The following CDH18 variants were observed in gnomAD, a reference collection of about 807,000 sequenced individuals.
CDH18 encodes cadherin 18.
CDH18 carries 31 observed loss-of-function variants against 67.9 expected under a neutral mutation model. The observed-to-expected ratio is 0.46, with a 90% CI of 0.34 to 0.62. The LOEUF is 0.62. Ranked by LOEUF, CDH18 falls within the 20% of genes least tolerant of loss-of-function variation. The pLI, the probability that CDH18 is intolerant of heterozygous loss-of-function variation, is 0.01. For missense variants in CDH18, 890 were observed against 975.5 expected, an observed-to-expected ratio of 0.91 and a Z score of 1.17; for synonymous variants, 362 against 347.2, an observed-to-expected ratio of 1.04 and a Z score of -0.48.
At chr5:20,285,050 G>A (rs184654157) in intron 1 of CDH18, among the ~76,000 whole-genome samples, 41 of 151,730 alleles carry the variant, frequency 2.7e-4, no homozygotes, top group African/African-American at 6.5e-4. Flanking sequence ...TGCCTAAACC[G>A]TTATATCATA....
intron 5 of CDH18, among the ~76,000 whole-genome samples, chr5:19,697,341 A>G (rs1416553271): frequency 6.6e-6 from 1 of 152,212 alleles, no homozygotes; most frequent in Non-Finnish European, 1.5e-5. Context: ...TATTTAATAT[A>G]GCTCATATAA....
At chr5:19,989,995 C>T (rs184008131), upstream of CDH18, among the ~76,000 whole-genome samples, 12 of 152,212 alleles carry the variant, frequency 7.9e-5, no homozygotes, top group Admixed American at 1.3e-4. Flanking sequence ...TATTATATTG[C>T]GCATTATATA....
At chr5:20,279,699 C>CAGAAAAA (rs1746080009) in intron 1 of CDH18, among the ~76,000 whole-genome samples, 1 of 13,594 alleles carries the variant, frequency 7.4e-5, no homozygotes, top group Non-Finnish European at 1.3e-4. Flanking sequence ...AGCTCTGTCT[C>CAGAAAAA]AAAAAAAAAA....
chr5:20,471,833 T>TTAAAAA (rs757184101), intron 1 of CDH18, among the ~76,000 whole-genome samples: 6 of 51,490 alleles, frequency 1.2e-4, no homozygotes, highest in African/African-American at 3.2e-4. Flanking sequence ...AGATTCAGTC[T>TTAAAAA]AAAAAAAAAA....
chr5:20,569,416 T>C (rs1405705025), intron 1 of CDH18, among the ~76,000 whole-genome samples: 1 of 151,858 alleles, frequency 6.6e-6, no homozygotes, highest in African/African-American at 2.4e-5. Flanking sequence ...AGGTCAAGAG[T>C]TCGAGACCAG....
Position 19,567,449 on chromosome 5 carries a change from A to G in CDH18, c.1253+4130T>C, listed in dbSNP as rs1561363741. ...ACTCCCTTTCATTACCAATTCTACA[A>G]ACTTGGAGTTGATTGCATTTCAGGG... On this transcript the variant is annotated intron_variant, in intron 8 of 12. Transcript: ENST00000382275. 2.6e-5 allele frequency among the ~76,000 whole-genome samples: 4 copies of G among 152,198 alleles called. No homozygotes were observed. The South Asian group carries it at 8.3e-4, about 31-fold the overall frequency.
chr5:19,869,857 C>A lies in CDH18; in HGVS notation c.-256-30615G>T, dbSNP rs559872527. Among the ~76,000 whole-genome samples the A allele has an allele frequency of 4.6e-5, 7 of 152,260 alleles. No individual in the cohort carries two copies. The South Asian group carries it at 1.5e-3, about 32-fold the overall frequency. On this transcript the variant is annotated intron_variant, in intron 2 of 12. Transcript: ENST00000382275. ...TTCTAGTAAGGCAAATCTCTGCCTACTTTTCATACCAGTTCACAGTTCTTG... is the reference window on the plus strand; with the variant it reads ...TTCTAGTAAGGCAAATCTCTGCCTAATTTTCATACCAGTTCACAGTTCTTG...
chr5:20,356,719 G>GTCTC lies in CDH18; in HGVS notation c.-579-101218_-579-101215dup, dbSNP rs199599355. On this transcript the variant is annotated intron_variant, in intron 1 of 14. Coordinates refer to the CDH18 transcript ENST00000507958. ...TACCTAGATATGGATATATACCAAG[G>GTCTC]TCTCTCTCTCTCTCTCTCTCTCTCT... Among the ~76,000 whole-genome samples, 1,166 of 129,972 alleles carry GTCTC rather than the reference G, an allele frequency of 9.0e-3. 10 individuals are homozygous for GTCTC. Among genetic ancestry groups the GTCTC allele is most frequent in the Non-Finnish European group, 0.015 (917 of 61,842 alleles). 85.3% of individuals were successfully genotyped at this position (129,972 alleles called of 152,430 possible).
At chr5:20,242,622 A>ACATATATATATATATACATG (rs1489847716) in intron 2 of CDH18, among the ~76,000 whole-genome samples, 15 of 106,940 alleles carry the variant, frequency 1.4e-4, no homozygotes, top group African/African-American at 6.5e-4. Context: ...ATATATATAT[A>ACATATATATATATATACATG]TATATATATA....
rs78708081 is a variant in CDH18 at position 20,003,128 on chromosome 5, A to G, written c.-517-11114T>C. ...GTCTGAAATCAGCTGGAACAAGTAT[A>G]CATTAGGATGTGAAAAGATAAGTGT... On this transcript the variant is annotated intron_variant, in intron 2 of 14. Transcript: ENST00000507958. Among the ~76,000 whole-genome samples, 2,724 of 152,288 alleles carry G rather than the reference A, an allele frequency of 0.018. 171 individuals carry two copies. In the East Asian group the frequency reaches 0.25, roughly 14 times the overall value.
At chr5:20,430,819 A>C (rs895314930) in intron 1 of CDH18, among the ~76,000 whole-genome samples, 2 of 152,158 alleles carry the variant, frequency 1.3e-5, no homozygotes, top group Non-Finnish European at 2.9e-5. Flanking sequence ...CTCCTTTCAA[A>C]TCAGAATCTT....
At chr5:20,170,224 G>A (rs1338152863) in intron 2 of CDH18, among the ~76,000 whole-genome samples, 4 of 147,116 alleles carry the variant, frequency 2.7e-5, no homozygotes, top group Non-Finnish European at 5.9e-5. Flanking sequence ...TCCCCTTCCT[G>A]TATCAATGTG....
At chr5:19,567,692 G>A (rs941537729) in intron 8 of CDH18, among the ~76,000 whole-genome samples, 1 of 152,228 alleles carries the variant, frequency 6.6e-6, no homozygotes, top group Admixed American at 6.5e-5. Context: ...CAGCTATGGA[G>A]TCTAATTATT....
chr5:19,495,916 T>C (rs926144316), intron 11 of CDH18, among the ~76,000 whole-genome samples: 1 of 152,054 alleles, frequency 6.6e-6, no homozygotes, highest in Non-Finnish European at 1.5e-5. Flanking sequence ...GATTCTAAGC[T>C]GGGGACAGAG....
In CDH18 at chr5:20,461,138, C is replaced by T. The variant is rs116674283; in HGVS notation, c.-580+114324G>A. ...GTCAGGCTTGGTCTTGGGTGTCTGA[C>T]AGCCACACGCTTGCTGTACTTAGTC... On this transcript the variant is annotated intron_variant, in intron 1 of 14. Transcript: ENST00000507958. Among the ~76,000 whole-genome samples, 1,083 of 152,248 alleles carry T rather than the reference C, an allele frequency of 7.1e-3. 8 individuals carry two copies. Among genetic ancestry groups the T allele is most frequent in the African/African-American group, 0.025 (1,026 of 41,542 alleles).
intron 5 of CDH18, among the ~76,000 whole-genome samples, chr5:19,656,691 T>C (rs1756458221): frequency 6.6e-6 from 1 of 151,872 alleles, no homozygotes; most frequent in Non-Finnish European, 1.5e-5. Flanking sequence ...AACCACTAGG[T>C]TTCTGTTGAC....
intron 1 of CDH18, among the ~76,000 whole-genome samples, chr5:20,559,549 G>T (rs1330228729): frequency 6.6e-6 from 1 of 152,002 alleles, no homozygotes; most frequent in Non-Finnish European, 1.5e-5. Context: ...AAAGCACATG[G>T]CTCACGGGAC....
intron 2 of CDH18, among the ~76,000 whole-genome samples, chr5:20,082,639 G>A (rs1744582625): frequency 6.6e-6 from 1 of 152,138 alleles, no homozygotes; most frequent in African/African-American, 2.4e-5. Flanking sequence ...ATTCCCAATA[G>A]CTCAGAAGGT....
chr5:19,800,963 C>CA (rs1010764846), intron 3 of CDH18, among the ~76,000 whole-genome samples: 3 of 151,714 alleles, frequency 2.0e-5, no homozygotes, highest in Admixed American at 2.0e-4. Context: ...TATTAAAATA[C>CA]AAAAAATTAG....
Sources: allele counts gnomAD v4.1 joint callset (sites outside exome capture counted in the v4.1 genomes callset), GRCh38; gene constraint gnomAD v4.1.1; transcripts MANE v1.5; gene names NCBI Gene and HGNC (gene_info 2026-07-23, HGNC 2026-07-21).